Variants in RERE observed in about 807,000 individuals in gnomAD.
RERE encodes arginine-glutamic acid dipeptide repeats protein.
A neutral mutation model predicts 146.1 loss-of-function variants in RERE; 40 were observed. The observed-to-expected ratio is 0.27, with a 90% CI of 0.21 to 0.36. The LOEUF (loss-of-function observed/expected upper bound fraction) is 0.36. Ranked by LOEUF, RERE falls within the 10% of genes least tolerant of loss-of-function variation. The probability of loss-of-function intolerance (pLI) is 1.00; values close to 1 mark genes in which losing one functional copy is unlikely to be tolerated. For missense variants in RERE, 1,933 were observed against 2,138.7 expected, an observed-to-expected ratio of 0.90 and a Z score of 1.90; for synonymous variants, 1,003 against 866.0, an observed-to-expected ratio of 1.16 and a Z score of -2.78.
chr1:8,439,759 T>A (rs1172677202), intron 11 of RERE, among the ~76,000 whole-genome samples: 2 of 152,042 alleles, frequency 1.3e-5, no homozygotes, highest in African/African-American at 4.8e-5. Context: ...GGTCTGAGAG[T>A]CTAATGCAAC....
In RERE at chr1:8,808,716, T is replaced by C. The variant is rs150489160; in HGVS notation, c.-145+8444A>G. ...TAGTTAGTTAACGGTAGACAAATACTACAGCTTGGTAAGTTCTGAAACTTA... is the reference window on the plus strand; with the variant it reads ...TAGTTAGTTAACGGTAGACAAATACCACAGCTTGGTAAGTTCTGAAACTTA... On this transcript the variant is annotated intron_variant, in intron 1 of 22. Coordinates refer to ENST00000400908, the MANE Select transcript of RERE (RefSeq NM_001042681.2). 6.6e-3 allele frequency among the ~76,000 whole-genome samples: 1,009 copies of C among 152,254 alleles called. 9 individuals are homozygous for C. The highest frequency in any genetic ancestry group is 0.012 in the Admixed American group (185 of 15,284).
At chr1:8,593,219 A>G (rs918173915) in intron 4 of RERE, among the ~76,000 whole-genome samples, 1 of 152,192 alleles carries the variant, frequency 6.6e-6, no homozygotes, top group Non-Finnish European at 1.5e-5. Context: ...GCTACTGGAA[A>G]AGCTCTGGAA....
At chr1:8,530,466 GT>G (rs1487665747) in intron 7 of RERE, among the ~76,000 whole-genome samples, 2 of 151,996 alleles carry the variant, frequency 1.3e-5, no homozygotes, top group Non-Finnish European at 2.9e-5. Flanking sequence ...CTACAACGTT[GT>G]ATTCATTAAC....
intron 8 of RERE, among the ~76,000 whole-genome samples, chr1:8,497,947 G>C (rs1213528843): frequency 6.6e-6 from 1 of 152,178 alleles, no homozygotes; most frequent in Admixed American, 6.5e-5. Flanking sequence ...CTCACCTAAG[G>C]ATATTTGCTA....
chr1:8,744,925 T>C (rs1438495569), intron 1 of RERE, among the ~76,000 whole-genome samples: 1 of 152,134 alleles, frequency 6.6e-6, no homozygotes, highest in Non-Finnish European at 1.5e-5. Flanking sequence ...ACAATTTGAT[T>C]TTCCCATGAC....
intron 10 of RERE, among the ~76,000 whole-genome samples, chr1:8,467,511 C>G (rs1381849237): frequency 2.6e-5 from 4 of 152,214 alleles, no homozygotes; most frequent in African/African-American, 9.7e-5. Context: ...CTGGGCTGGG[C>G]ACACAGTAAG....
chr1:8,473,749 C>T (rs144483609), intron 10 of RERE, among the ~76,000 whole-genome samples: 29 of 152,284 alleles, frequency 1.9e-4, no homozygotes, highest in African/African-American at 6.5e-4. Context: ...TTAAATGGGC[C>T]TAACACCACC....
At chr1:8,583,425 G>C (rs914190159) in intron 4 of RERE, among the ~76,000 whole-genome samples, 2 of 152,202 alleles carry the variant, frequency 1.3e-5, no homozygotes, top group African/African-American at 4.8e-5. Context: ...ATACAGCTAA[G>C]ATCAGGAGGA....
intron 8 of RERE, among the ~76,000 whole-genome samples, chr1:8,501,264 T>C (rs1645147662): frequency 8.0e-6 from 1 of 125,304 alleles, no homozygotes; most frequent in Non-Finnish European, 1.7e-5. Context: ...GGGGCGCCTC[T>C]GCCCGGTCGC....
At chr1:8,717,780 CAGCATTAAA>C (rs1639791216) in intron 1 of RERE, among the ~76,000 whole-genome samples, 1 of 152,150 alleles carries the variant, frequency 6.6e-6, no homozygotes, top group Non-Finnish European at 1.5e-5. Context: ...ATCCCATTTT[CAGCATTAAA>C]AGTGATCAAA....
At chr1:8,760,936 AT>A (rs931033594) in intron 1 of RERE, among the ~76,000 whole-genome samples, 106 of 152,194 alleles carry the variant, frequency 7.0e-4, no homozygotes, top group African/African-American at 2.4e-3. Context: ...CCACTAATGT[AT>A]AAACAACCCT....
chr1:8,567,812 G>A (rs1646170059), intron 4 of RERE, among the ~76,000 whole-genome samples: 1 of 152,128 alleles, frequency 6.6e-6, no homozygotes, highest in Non-Finnish European at 1.5e-5. Context: ...GATGACCTCT[G>A]TTGTCCTTAA....
intron 12 of RERE, chr1:8,381,143 GT>G: frequency 2.6e-6 from 1 of 379,358 alleles, no homozygotes; most frequent in Non-Finnish European, 5.3e-6. Flanking sequence ...CGATGCGCCT[GT>G]TTCCATGATT....
intron 12 of RERE, among the ~76,000 whole-genome samples, chr1:8,394,924 A>G (rs1643001847): frequency 1.3e-5 from 2 of 152,198 alleles, no homozygotes; most frequent in South Asian, 4.1e-4. Flanking sequence ...TATCCTCAGC[A>G]TCTATCTAAA....
At chr1:8,713,946 A>C (rs183534807) in intron 1 of RERE, among the ~76,000 whole-genome samples, 1 of 152,332 alleles carries the variant, frequency 6.6e-6, no homozygotes, top group East Asian at 1.9e-4. Context: ...TATATTATGA[A>C]AACTTTAAGC....
At chr1:8,437,174 A>C (rs1557631725) in intron 11 of RERE, among the ~76,000 whole-genome samples, 1 of 152,232 alleles carries the variant, frequency 6.6e-6, no homozygotes, top group Non-Finnish European at 1.5e-5. Context: ...GGGAAACTGA[A>C]GACCTCGACC....
intron 10 of RERE, among the ~76,000 whole-genome samples, chr1:8,490,293 G>A (rs1278427305): frequency 6.9e-6 from 1 of 144,196 alleles, no homozygotes; most frequent in Non-Finnish European, 1.5e-5. Flanking sequence ...GGAGGAGGAG[G>A]TTGCAGTGAG....
At chr1:8,552,546 T>C (rs574966565) in intron 6 of RERE, among the ~76,000 whole-genome samples, 8 of 152,270 alleles carry the variant, frequency 5.3e-5, no homozygotes, top group East Asian at 1.9e-4. Context: ...TTTATAACTA[T>C]GGAGAAAGAA....
intron 1 of RERE, among the ~76,000 whole-genome samples, chr1:8,732,655 CTTCAG>C (rs1380748126): frequency 6.6e-6 from 1 of 152,044 alleles, no homozygotes; most frequent in Non-Finnish European, 1.5e-5. Flanking sequence ...AAACTGTAGA[CTTCAG>C]TTAATAATAT....
Sources: allele counts gnomAD v4.1 joint callset (sites outside exome capture counted in the v4.1 genomes callset), GRCh38; gene constraint gnomAD v4.1.1; transcripts MANE v1.5; gene names NCBI Gene and HGNC (gene_info 2026-07-23, HGNC 2026-07-21).